SLC25A18: variants seen among roughly 807,000 people sequenced by gnomAD.
The protein encoded by SLC25A18 is mitochondrial glutamate carrier 2.
SLC25A18 carries 24 observed loss-of-function variants against 31.1 expected under a neutral mutation model. That is an observed-to-expected ratio of 0.77 (90% CI 0.56 to 1.08). The LOEUF is 1.08. SLC25A18 is among the 50% of genes least tolerant of loss of function. SLC25A18 has a pLI of 0.00. For synonymous variants in SLC25A18, 173 were observed against 161.9 expected, an observed-to-expected ratio of 1.07 and a Z score of -0.52; for missense variants, 371 against 418.5, an observed-to-expected ratio of 0.89 and a Z score of 0.99.
In SLC25A18 at chr22:17,587,233, T is replaced by C. The variant is rs754886025; in HGVS notation, c.507T>C (p.Ile169=). The C allele has an allele frequency of 1.2e-6, 2 of 1,614,052 alleles. No homozygotes were observed. The highest frequency in any genetic ancestry group is 4.5e-5 in the East Asian group (2 of 44,880). ...STHRRPSATL[I]AWELLRTQGL... ...ACAGGCGCCCCTCTGCCACCCTCAT[T>C]GCCTGGGAGCTGCTCCGCACTCAGG... Residue 169 remains isoleucine (I), a synonymous_variant, in exon 8 of 11, where the codon ATT becomes ATC. Coordinates refer to ENST00000327451, the MANE Select transcript of SLC25A18 (RefSeq NM_031481.3).
At position 17,575,660 on chromosome 22, in the gene SLC25A18, G is replaced by A. The variant is rs144042186; in HGVS notation, c.-200-4085G>A. Reference sequence around the variant, plus strand: ...CCAGGGGATGGAGTTCCAGGGACGTGGCAGTTCCCAGTGCAACTAACCCGG... The same window carrying A: ...CCAGGGGATGGAGTTCCAGGGACGTAGCAGTTCCCAGTGCAACTAACCCGG... On this transcript the variant is annotated intron_variant, in intron 2 of 10. Transcript: ENST00000327451. Among the ~76,000 whole-genome samples, 5 of 152,284 alleles carry A rather than the reference G, an allele frequency of 3.3e-5. No individual in the cohort carries two copies. The East Asian group carries it at 7.7e-4, about 23-fold the overall frequency.
At chr22:17,580,402 C>A in intron 3 of SLC25A18, 1 of 419,680 alleles carries the variant, frequency 2.4e-6, no homozygotes, top group Non-Finnish European at 3.2e-6. Context: ...TCCCGTCTTC[C>A]AAAGCTCCTA....
chr22:17,581,003 CCTCTCTCCTCCCCCTGT>C lies in SLC25A18; in HGVS notation c.21-32_21-16del, dbSNP rs2057356582. On this transcript the variant is annotated splice_polypyrimidine_tract_variant and intron_variant, in intron 3 of 10. Coordinates refer to ENST00000327451, the MANE Select transcript of SLC25A18 (RefSeq NM_031481.3). Reference sequence around the variant, plus strand: ...GCTCCCTAACCTGCCCCTCCCTCTGCCTCTCTCCTCCCCCTGTCCTCCCCCTGTCCTAGCATCACAGC... The same window carrying C: ...GCTCCCTAACCTGCCCCTCCCTCTGCCCTCCCCCTGTCCTAGCATCACAGC... The C allele has an allele frequency of 3.3e-6, 5 of 1,521,322 alleles. No individual in the cohort carries two copies. In the African/African-American group the frequency reaches 5.5e-5, roughly 17 times the overall value. 94.2% of individuals were successfully genotyped at this position (1,521,322 alleles called of 1,614,324 possible). A position where few individuals can be genotyped will look rare whatever the true frequency, so the allele number is the denominator to read the frequency against.
At chr22:17,571,398 C>G (rs1320565148) in intron 2 of SLC25A18, among the ~76,000 whole-genome samples, 2 of 152,190 alleles carry the variant, frequency 1.3e-5, no homozygotes, top group African/African-American at 4.8e-5. Flanking sequence ...GCACGCTCCT[C>G]CCTGCAGCTC....
chr22:17,582,168 C>G (rs1044152446), intron 5 of SLC25A18: 3 of 155,222 alleles, frequency 1.9e-5, no homozygotes, highest in Admixed American at 1.3e-4. Flanking sequence ...GTCAGGAGAT[C>G]GAGACCATCC....
chr22:17,565,259 T>A lies in SLC25A18; in HGVS notation c.-264+1546T>A, dbSNP rs1023960883. ...CTATACCCAGCTAATTTTTTGTATT[T>A]TTTAGTAGAGACGGGGTTTTGCCAT... On this transcript the variant is annotated intron_variant, in intron 1 of 10. Transcript: ENST00000327451. 5.2e-4 allele frequency among the ~76,000 whole-genome samples: 79 copies of A among 152,188 alleles called. 1 individual carries two copies. The highest frequency in any genetic ancestry group is 2.6e-4 in the Admixed American group (4 of 15,294).
intron 5 of SLC25A18, chr22:17,581,832 T>A (rs1348335985): frequency 5.5e-6 from 1 of 181,986 alleles, no homozygotes; most frequent in Non-Finnish European, 1.2e-5. Flanking sequence ...GATCCCAAGC[T>A]GGAGTTGAGC....
intron 2 of SLC25A18, 143 bp downstream of exon 2, chr22:17,570,129 G>GCCACTTCCTC: frequency 1.9e-6 from 1 of 527,452 alleles, no homozygotes; most frequent in Non-Finnish European, 2.4e-6. Flanking sequence ...AGAAGGGGTG[G>GCCACTTCCTC]GCACGAGGAA....
At chr22:17,565,697 G>A (rs536015668) in intron 1 of SLC25A18, among the ~76,000 whole-genome samples, 262 of 151,296 alleles carry the variant, frequency 1.7e-3, no homozygotes, top group Admixed American at 2.8e-3. Context: ...GAGAAACCCC[G>A]TCTCTACTAA....
At position 17,563,694 on chromosome 22, in the gene SLC25A18, C is replaced by A; in HGVS notation, c.-283C>A. 1 of 985,374 alleles carries A rather than the reference C, an allele frequency of 1.0e-6. No individual in the cohort carries two copies. Among genetic ancestry groups the A allele is most frequent in the Non-Finnish European group, 1.2e-6 (1 of 829,924 alleles). 61.0% of individuals were successfully genotyped at this position (985,374 alleles called of 1,614,324 possible). A position where few individuals can be genotyped will look rare whatever the true frequency, so the allele number is the denominator to read the frequency against. ...TCAACAACTGAGATGAACGTCGACT[C>A]GCTTGCAGGCAAGTTGTCAGTAAGT... On this transcript the variant is annotated 5_prime_UTR_variant, in exon 1 of 11. An upstream open reading frame in the 5' UTR gains an earlier in-frame stop. Transcript: ENST00000327451.
chr22:17,585,108 C>G (rs2057505035), intron 7 of SLC25A18, among the ~76,000 whole-genome samples: 1 of 151,742 alleles, frequency 6.6e-6, no homozygotes, highest in African/African-American at 2.4e-5. Context: ...AAAAAAAAAG[C>G]AGCTGGGCGT....
At position 17,581,102 on chromosome 22, in the gene SLC25A18, T is replaced by A. The variant is rs373813521; in HGVS notation, c.86T>A (p.Ile29Asn). ...GTGGGGGTGACCTGCGTGTTCCCCA[T>A]CGACTTGGCCAAGACTCGCCTGCAG... ...GLVGVTCVFPIDLAKTRLQNQ... is the reference protein window; with the variant it reads ...GLVGVTCVFPNDLAKTRLQNQ... Residue 29 changes from isoleucine to asparagine, a missense_variant, in exon 4 of 11, where the codon ATC becomes AAC. Transcript: ENST00000327451. 1.3e-6 allele frequency: 2 copies of A among 1,579,250 alleles called. No homozygotes were observed. The highest frequency in any genetic ancestry group is 1.3e-5 in the African/African-American group (1 of 74,528).
chr22:17,572,636 AATTTTT>A (rs1189773905), intron 2 of SLC25A18, among the ~76,000 whole-genome samples: 10 of 103,094 alleles, frequency 9.7e-5, no homozygotes, highest in African/African-American at 1.4e-4. Flanking sequence ...TCTACAAATA[AATTTTT>A]TTTTTTTTTT....
chr22:17,569,636 C>G (rs746516695), intron 1 of SLC25A18: 38 of 985,314 alleles, frequency 3.9e-5, no homozygotes, highest in African/African-American at 8.7e-5. Context: ...CCCCTCACCC[C>G]CAAGCTGCCT....
intron 2 of SLC25A18, among the ~76,000 whole-genome samples, chr22:17,572,767 G>A (rs987815337): frequency 1.7e-4 from 24 of 139,592 alleles, no homozygotes; most frequent in Non-Finnish European, 3.6e-4. Flanking sequence ...TCAGCCTCCC[G>A]AGTAGCTGGG....
At chr22:17,589,366 T>TC (rs1338375441) in intron 9 of SLC25A18, among the ~76,000 whole-genome samples, 1 of 151,650 alleles carries the variant, frequency 6.6e-6, no homozygotes, top group East Asian at 2.0e-4. Flanking sequence ...TTAGTAGAGA[T>TC]GGGGTTTCAC....
intron 7 of SLC25A18, among the ~76,000 whole-genome samples, chr22:17,584,316 C>T (rs1050824944): frequency 6.7e-6 from 1 of 148,396 alleles, no homozygotes; most frequent in African/African-American, 2.5e-5. Context: ...TGGCGTGAAC[C>T]TGGAAGGCAG....
chr22:17,583,601 A>G (rs866121978), intron 7 of SLC25A18, 67 bp downstream of exon 7: 4 of 1,560,102 alleles, frequency 2.6e-6, no homozygotes, highest in Middle Eastern at 3.4e-4. Context: ...CACATCCCAC[A>G]TCCCAACCTC....
intron 7 of SLC25A18, among the ~76,000 whole-genome samples, chr22:17,584,446 G>GA (rs1555951484): frequency 8.6e-6 from 1 of 116,824 alleles, no homozygotes; most frequent in African/African-American, 3.4e-5. Flanking sequence ...AAGGAAGGAA[G>GA]GAGAGAGAGA....
Sources: gnomAD v4.1 joint callset for allele counts (sites outside exome capture counted in the v4.1 genomes callset) on GRCh38, gnomAD v4.1.1 for gene constraint, MANE v1.5 for transcripts, NCBI Gene and HGNC (gene_info 2026-07-23, HGNC 2026-07-21) for gene names.